Variants in CD47 observed in about 807,000 individuals in gnomAD.
CD47 encodes the protein leukocyte surface antigen CD47.
In CD47, 11 loss-of-function variants were observed where a neutral mutation model predicts 44.6. The observed-to-expected ratio is 0.25, with a 90% confidence interval of 0.16 to 0.41. The LOEUF (loss-of-function observed/expected upper bound fraction) is 0.41, where lower values mean the gene tolerates loss of function less well. Among genes scored for constraint, CD47 ranks in the 10% least tolerant of loss-of-function variants. The pLI is 1.00. For missense variants in CD47, 306 were observed against 386.7 expected, an observed-to-expected ratio of 0.79 and a Z score of 1.75; for synonymous variants, 140 against 136.3, an observed-to-expected ratio of 1.03 and a Z score of -0.19.
intron 1 of CD47, among the ~76,000 whole-genome samples, chr3:108,088,724 C>T (rs959006675): frequency 6.6e-6 from 1 of 151,954 alleles, no homozygotes; most frequent in Non-Finnish European, 1.5e-5. Context: ...TATTTGCTAG[C>T]TAATAAATAC....
intron 10 of CD47, among the ~76,000 whole-genome samples, chr3:108,049,107 T>G (rs1386488442): frequency 2.1e-5 from 1 of 47,494 alleles, no homozygotes; most frequent in Non-Finnish European, 3.9e-5. Flanking sequence ...TCTCTCTCTC[T>G]CTCTCTCTCT....
At chr3:108,051,306 A>G (rs569622952) in intron 8 of CD47, among the ~76,000 whole-genome samples, 1 of 152,304 alleles carries the variant, frequency 6.6e-6, no homozygotes, top group South Asian at 2.1e-4. Context: ...TGTCACTGTG[A>G]TAAGTCTATG....
intron 1 of CD47, among the ~76,000 whole-genome samples, chr3:108,083,245 A>G (rs1448383235): frequency 6.6e-6 from 1 of 152,080 alleles, no homozygotes; most frequent in Non-Finnish European, 1.5e-5. Context: ...TCAAATGCCA[A>G]AAGTATTAGA....
chr3:108,088,634 A>C lies in CD47; in HGVS notation c.46+2229T>G, dbSNP rs79135640. Among the ~76,000 whole-genome samples the C allele has an allele frequency of 5.3e-3, 813 of 152,008 alleles. 9 individuals carry two copies. Among genetic ancestry groups the C allele is most frequent in the African/African-American group, 0.019 (771 of 41,504 alleles). On this transcript the variant is annotated intron_variant, in intron 1 of 10. Transcript: ENST00000361309. ...TATGTACCCTGATTTAAAAAAAAAAACAACTCATTTTGAACAAAGAGGAAT... is the reference window on the plus strand; with the variant it reads ...TATGTACCCTGATTTAAAAAAAAAACCAACTCATTTTGAACAAAGAGGAAT...
rs142536131 is a variant in CD47, at chr3:108,057,999, A to C, written c.784+338T>G. ...AAGCTCAGAATGCTAAATGCTGTCA[A>C]GTATATGAATGAACAAAAACTCTTA... On this transcript the variant is annotated intron_variant, in intron 6 of 10. Coordinates refer to ENST00000361309, the MANE Select transcript of CD47 (RefSeq NM_001777.4). Among the ~76,000 whole-genome samples, 679 of 152,348 alleles carry C rather than the reference A, an allele frequency of 4.5e-3. 4 individuals are homozygous for C. Among genetic ancestry groups the C allele is most frequent in the African/African-American group, 0.015 (637 of 41,588 alleles).
rs958037919 is a variant in CD47 at position 108,043,821 on chromosome 3, CTTAA to C, written c.*3463_*3466del. The C allele has an allele frequency of 1.4e-4, 21 of 152,648 alleles. No homozygotes were observed. The highest frequency in any genetic ancestry group is 5.1e-4 in the African/African-American group (21 of 41,538). The allele number at this position is 152,648 out of a possible 1,614,324, so 9.5% of individuals were successfully genotyped here. A position where few individuals can be genotyped will look rare whatever the true frequency, so the allele number is the denominator to read the frequency against. ...TATGAGAAAGCTGGTCTTCAATGAT[CTTAA>C]TTAAGAACTGTCAAAGCTAAAGGCA... On this transcript the variant is annotated 3_prime_UTR_variant, in exon 11 of 11. Transcript: ENST00000361309.
intron 1 of CD47, among the ~76,000 whole-genome samples, chr3:108,085,392 G>A (rs1304619699): frequency 6.6e-6 from 1 of 152,062 alleles, no homozygotes; most frequent in African/African-American, 2.4e-5. Context: ...TATAAAATGT[G>A]CATAGTGATG....
At chr3:108,081,808 A>G (rs897958200) in intron 1 of CD47, among the ~76,000 whole-genome samples, 6 of 151,904 alleles carry the variant, frequency 3.9e-5, no homozygotes, top group African/African-American at 1.4e-4. Context: ...TACTATAAAA[A>G]CTAGATAATC....
chr3:108,053,085 G>A (rs980825425), intron 7 of CD47: 1 of 152,422 alleles, frequency 6.6e-6, no homozygotes, highest in African/African-American at 2.4e-5. Context: ...CTACTGAACA[G>A]AGAGGCCCAT....
rs1392064521 is a variant in CD47, at chr3:108,047,228, C to A, written c.*60G>T. 4.8e-6 allele frequency: 7 copies of A among 1,449,868 alleles called. No homozygotes were observed. Among genetic ancestry groups the A allele is most frequent in the Non-Finnish European group, 6.7e-6 (7 of 1,043,490 alleles). 89.8% of individuals were successfully genotyped at this position (1,449,868 alleles called of 1,614,324 possible). ...TCATCAAGGCCATGGTGCTTAAACA[C>A]AAGTGTATTCCTTTCACGTCTTACT... On this transcript the variant is annotated 3_prime_UTR_variant, in exon 11 of 11. Transcript: ENST00000361309.
At chr3:108,089,716 A>G (rs2079591236) in intron 1 of CD47, among the ~76,000 whole-genome samples, 1 of 152,196 alleles carries the variant, frequency 6.6e-6, no homozygotes, top group Admixed American at 6.5e-5. Context: ...CAGAGACTTA[A>G]GGGCATCTTG....
chr3:108,084,828 T>C (rs1469615756), intron 1 of CD47, among the ~76,000 whole-genome samples: 1 of 152,044 alleles, frequency 6.6e-6, no homozygotes, highest in Middle Eastern at 3.2e-3. Context: ...CTAAATCCAA[T>C]GTCTGTTGAA....
In CD47 at chr3:108,044,330, T is replaced by C. The variant is rs907962189; in HGVS notation, c.*2958A>G. ...AGCCCTGTTATTTTAATTCTGACATTCTTAGGGATTTAAACAGAATGGACC... is the reference window on the plus strand; with the variant it reads ...AGCCCTGTTATTTTAATTCTGACATCCTTAGGGATTTAAACAGAATGGACC... On this transcript the variant is annotated 3_prime_UTR_variant, in exon 11 of 11. Transcript: ENST00000361309. 1 of 150,388 alleles carries C rather than the reference T, an allele frequency of 6.6e-6. No individual in the cohort carries two copies. Among genetic ancestry groups the C allele is most frequent in the Non-Finnish European group, 1.5e-5 (1 of 67,776 alleles). The allele number at this position is 150,388 out of a possible 1,614,324, so 9.3% of individuals were successfully genotyped here.
At chr3:108,083,823 C>G (rs1472326618) in intron 1 of CD47, among the ~76,000 whole-genome samples, 1 of 151,880 alleles carries the variant, frequency 6.6e-6, no homozygotes, top group East Asian at 1.9e-4. Flanking sequence ...CAAACTGAAA[C>G]CTTCAGAGGA....
At position 108,056,566 on chromosome 3, in the gene CD47, AT is replaced by A. The variant is rs1469899876; in HGVS notation, c.877+910del. The stretch of plus-strand genomic sequence containing the variant: ...TTACCTAAAGCAAAGCAGAAACACT[AT>A]TTTTTTACTCCATTAATTTATAACT... On this transcript the variant is annotated intron_variant, in intron 7 of 10. Coordinates refer to ENST00000361309, the MANE Select transcript of CD47 (RefSeq NM_001777.4). Among the ~76,000 whole-genome samples the A allele has an allele frequency of 9.9e-5, 15 of 152,058 alleles. No homozygotes were observed. The East Asian group carries it at 2.9e-3, about 29-fold the overall frequency.
Position 108,080,364 on chromosome 3 carries a change from A to G in CD47, c.47-20T>C. The stretch of plus-strand genomic sequence containing the variant: ...CTGATCCTGGAAAGGAAAAAGAAAA[A>G]TGTTTCATTAATTATAGAAGTCTGT... On this transcript the variant is annotated intron_variant, in intron 1 of 10. Coordinates refer to ENST00000361309, the MANE Select transcript of CD47 (RefSeq NM_001777.4). The G allele has an allele frequency of 7.7e-7, 1 of 1,300,432 alleles. No individual in the cohort carries two copies. Among genetic ancestry groups the G allele is most frequent in the South Asian group, 1.3e-5 (1 of 77,790 alleles). 80.6% of individuals were successfully genotyped at this position (1,300,432 alleles called of 1,614,324 possible).
intron 2 of CD47, among the ~76,000 whole-genome samples, chr3:108,074,314 T>C (rs2079264019): frequency 2.6e-5 from 4 of 151,984 alleles, no homozygotes. Flanking sequence ...TCTAAGTGAT[T>C]CTTTTTTTTT....
At chr3:108,085,395 T>C (rs898867110) in intron 1 of CD47, among the ~76,000 whole-genome samples, 1 of 152,136 alleles carries the variant, frequency 6.6e-6, no homozygotes, top group African/African-American at 2.4e-5. Flanking sequence ...AAAATGTGCA[T>C]AGTGATGGTA....
intron 3 of CD47, among the ~76,000 whole-genome samples, chr3:108,063,695 C>CA (rs1384313066): frequency 1.3e-5 from 2 of 152,156 alleles, no homozygotes; most frequent in Admixed American, 6.5e-5. Flanking sequence ...AAAAATAACT[C>CA]AATGTGTTGT....
Sources: gnomAD v4.1 joint callset for allele counts (sites outside exome capture counted in the v4.1 genomes callset) on GRCh38, gnomAD v4.1.1 for gene constraint, MANE v1.5 for transcripts, NCBI Gene and HGNC (gene_info 2026-07-23, HGNC 2026-07-21) for gene names.